The following LGR6 variants were observed in gnomAD, a reference collection of about 807,000 sequenced individuals.
LGR6 encodes the protein leucine rich repeat containing G protein-coupled receptor 6, also known as leucine-rich repeat-containing G protein-coupled receptor 6.
In LGR6, 45 loss-of-function variants were observed where a neutral mutation model predicts 69.4. The observed-to-expected ratio is 0.65, with a 90% CI of 0.51 to 0.83. LGR6 has a LOEUF of 0.83. Among genes scored for constraint, LGR6 ranks in the 40% least tolerant of loss-of-function variants. The pLI, the probability that LGR6 is intolerant of heterozygous loss-of-function variation, is 0.00. For synonymous variants in LGR6, 538 were observed against 555.0 expected, an observed-to-expected ratio of 0.97 and a Z score of 0.43; for missense variants, 1,108 against 1,246.7, an observed-to-expected ratio of 0.89 and a Z score of 1.68.
Position 202,282,584 on chromosome 1 carries a change from A to G in LGR6, c.716+1732A>G, listed in dbSNP as rs998697592. Among the ~76,000 whole-genome samples, 6 of 152,166 alleles carry G rather than the reference A, an allele frequency of 3.9e-5. No individual in the cohort carries two copies. The East Asian group carries it at 5.8e-4, about 15-fold the overall frequency. On this transcript the variant is annotated intron_variant, in intron 6 of 17. Coordinates refer to ENST00000367278, the MANE Select transcript of LGR6 (RefSeq NM_001017403.2). ...TTTTAGGGCAGTGTTTGGAGTTGCC[A>G]TGGATGAGCAGGGCAGGAGGGAGTC...
intron 4 of LGR6, among the ~76,000 whole-genome samples, chr1:202,260,333 C>T (rs148354304): frequency 6.6e-6 from 1 of 151,950 alleles, no homozygotes; most frequent in Non-Finnish European, 1.5e-5. Flanking sequence ...GCCACCGCTC[C>T]TGGACTATTT....
chr1:202,227,567 C>CGGT (rs1660656407), intron 2 of LGR6, among the ~76,000 whole-genome samples: 1 of 152,134 alleles, frequency 6.6e-6, no homozygotes, highest in African/African-American at 2.4e-5. Flanking sequence ...TGAGAGCAGG[C>CGGT]GGTGGGTAAT....
At chr1:202,254,900 A>C (rs1447374617) in intron 4 of LGR6, among the ~76,000 whole-genome samples, 1 of 41,718 alleles carries the variant, frequency 2.4e-5, no homozygotes, top group Non-Finnish European at 6.1e-5. Flanking sequence ...CTGTCTCTAC[A>C]AAAAAAAAAA....
chr1:202,303,326 G>C lies in LGR6; in HGVS notation c.977G>C (p.Gly326Ala). 1 of 1,613,786 alleles carries C rather than the reference G, an allele frequency of 6.2e-7. No individual in the cohort carries two copies. The highest frequency in any genetic ancestry group is 2.2e-5 in the East Asian group (1 of 44,870). ...ATCCAGGAGTTTCCAGATCTCAAAG[G>C]CACCACCAGCCTGGAGATCCTGTGA... ...MDIQEFPDLK[G>A]TTSLEILTLT... Residue 326 changes from glycine (G) to alanine (A), a missense_variant, in exon 10 of 18, where the codon GGC (glycine) becomes GCC (alanine). Coordinates refer to ENST00000367278, the MANE Select transcript of LGR6 (RefSeq NM_001017403.2).
At chr1:202,287,068 GT>G (rs1571968411) in intron 6 of LGR6, among the ~76,000 whole-genome samples, 1 of 152,174 alleles carries the variant, frequency 6.6e-6, no homozygotes, top group East Asian at 1.9e-4. Context: ...TGGCCCACAG[GT>G]TCCGTAGTAG....
intron 4 of LGR6, among the ~76,000 whole-genome samples, chr1:202,243,145 A>G (rs1662353352): frequency 6.6e-6 from 1 of 152,178 alleles, no homozygotes; most frequent in Admixed American, 6.5e-5. Flanking sequence ...GAATGAGATG[A>G]CAAGCCTTGG....
At position 202,318,175 on chromosome 1, in the gene LGR6, G is replaced by GAGT; in HGVS notation, c.1873_1874insGTA (p.Leu624_Thr625insSer). On this transcript the variant is annotated inframe_insertion, in exon 18 of 18. Coordinates refer to ENST00000367278, the MANE Select transcript of LGR6 (RefSeq NM_001017403.2). ...GCCTTCTAGCCTCAGTCGATGCCCT[G>GAGT]ACCTTTGGTCAGTTCTCTGAGTACG... 1 of 1,613,720 alleles carries GAGT rather than the reference G, an allele frequency of 6.2e-7. No homozygotes were observed. The highest frequency in any genetic ancestry group is 8.5e-7 in the Non-Finnish European group (1 of 1,179,998).
chr1:202,248,139 C>T (rs1662904393), intron 4 of LGR6, among the ~76,000 whole-genome samples: 1 of 152,230 alleles, frequency 6.6e-6, no homozygotes, highest in Non-Finnish European at 1.5e-5. Flanking sequence ...TCCCTGGCCA[C>T]CGGCTGAGGC....
Position 202,199,774 on chromosome 1 carries a change from A to G in LGR6, c.212+5573A>G, listed in dbSNP as rs922935587. Among the ~76,000 whole-genome samples the G allele has an allele frequency of 2.0e-5, 3 of 152,290 alleles. No individual in the cohort carries two copies. In the East Asian group the frequency reaches 5.8e-4, roughly 29 times the overall value. The stretch of plus-strand genomic sequence containing the variant: ...GATGAGCTGTGTCTTTGGGCAAATC[A>G]CTTAACCTCCCCAAAGCTCCAGTCT... On this transcript the variant is annotated intron_variant, in intron 1 of 17. Coordinates refer to ENST00000367278, the MANE Select transcript of LGR6 (RefSeq NM_001017403.2).
At chr1:202,313,422 A>G (rs1437509909) in intron 16 of LGR6, among the ~76,000 whole-genome samples, 1 of 151,982 alleles carries the variant, frequency 6.6e-6, no homozygotes, top group Non-Finnish European at 1.5e-5. Flanking sequence ...TGACCCCCCA[A>G]AGTAATCAGT....
chr1:202,241,175 G>T (rs1662171535), intron 4 of LGR6, among the ~76,000 whole-genome samples: 1 of 152,200 alleles, frequency 6.6e-6, no homozygotes, highest in African/African-American at 2.4e-5. Flanking sequence ...TGTCTTTCCT[G>T]TTGGAAATCA....
chr1:202,205,450 A>G (rs1217369181), intron 1 of LGR6, among the ~76,000 whole-genome samples: 27 of 151,748 alleles, frequency 1.8e-4, no homozygotes, highest in Non-Finnish European at 3.2e-4. Flanking sequence ...CTTCAAACAC[A>G]CACACACCTC....
At chr1:202,205,399 C>CACACACACACCTA (rs1558005046) in intron 1 of LGR6, among the ~76,000 whole-genome samples, 83 of 3,658 alleles carry the variant, frequency 0.023, no homozygotes, top group Admixed American at 0.049. Context: ...CTCCTTCAAA[C>CACACACACACCTA]ACACACACCT....
chr1:202,315,304 G>T (rs575411105), intron 17 of LGR6, among the ~76,000 whole-genome samples: 2 of 152,110 alleles, frequency 1.3e-5, no homozygotes, highest in Non-Finnish European at 2.9e-5. Flanking sequence ...ATCCCTCCCT[G>T]CTCCATCCCA....
At chr1:202,314,754 A>G (rs181917278) in intron 16 of LGR6, 48 bp from the exon 17 acceptor site, 310 of 1,371,606 alleles carry the variant, frequency 2.3e-4, no homozygotes, top group Non-Finnish European at 3.0e-4. Flanking sequence ...GTAGGGCTTG[A>G]CTGACACCAA....
chr1:202,291,295 T>C (rs1442807117), intron 6 of LGR6, among the ~76,000 whole-genome samples: 2 of 152,186 alleles, frequency 1.3e-5, no homozygotes, highest in East Asian at 3.9e-4. Context: ...TTCTGGCTGA[T>C]TGTGGGCTGT....
intron 3 of LGR6, among the ~76,000 whole-genome samples, chr1:202,230,638 A>T (rs959081474): frequency 6.6e-6 from 1 of 152,098 alleles, no homozygotes. Context: ...GGGTGTGGGG[A>T]TGCATGTGTG....
intron 4 of LGR6, among the ~76,000 whole-genome samples, chr1:202,239,759 TC>T (rs1662010920): frequency 6.6e-6 from 1 of 152,174 alleles, no homozygotes; most frequent in South Asian, 2.1e-4. Context: ...GGTTCACCTC[TC>T]AGCTTCTTCA....
At chr1:202,253,490 A>G (rs1314466386) in intron 4 of LGR6, among the ~76,000 whole-genome samples, 3 of 147,482 alleles carry the variant, frequency 2.0e-5, no homozygotes, top group African/African-American at 7.6e-5. Flanking sequence ...TTTTAGTAGA[A>G]GCGGGGGTTT....
Sources: allele counts gnomAD v4.1 joint callset (sites outside exome capture counted in the v4.1 genomes callset), GRCh38; gene constraint gnomAD v4.1.1; transcripts MANE v1.5; gene names NCBI Gene and HGNC (gene_info 2026-07-23, HGNC 2026-07-21).